The following LRRFIP2 variants were observed in gnomAD, a reference collection of about 807,000 sequenced individuals.
LRRFIP2 encodes leucine-rich repeat flightless-interacting protein 2.
A neutral mutation model predicts 125.9 loss-of-function variants in LRRFIP2; 109 were observed. That is an observed-to-expected ratio of 0.87 (90% CI 0.74 to 1.01). The LOEUF (loss-of-function observed/expected upper bound fraction) is 1.01. Ranked by LOEUF, LRRFIP2 falls within the 50% of genes least tolerant of loss-of-function variation. The pLI, the probability that LRRFIP2 is intolerant of heterozygous loss-of-function variation, is 0.00. For missense variants in LRRFIP2, 850 were observed against 862.3 expected (o/e 0.99, Z 0.18); for synonymous variants, 291 against 293.1 (o/e 0.99, Z 0.07).
At chr3:37,091,388 T>C in intron 18 of LRRFIP2, 79 bp downstream of exon 18, 2 of 1,127,016 alleles carry the variant, frequency 1.8e-6, no homozygotes, top group Non-Finnish European at 2.6e-6. Flanking sequence ...GTGCAGTTGG[T>C]TAACAGAACT....
chr3:37,060,457 T>G lies in LRRFIP2; in HGVS notation c.1750-1547A>C, dbSNP rs188549074. Among the ~76,000 whole-genome samples, 1 of 152,010 alleles carries G rather than the reference T, an allele frequency of 6.6e-6. No homozygotes were observed. The highest frequency in any genetic ancestry group is 1.5e-5 in the Non-Finnish European group (1 of 67,994). ...CCGAGTAGCTGGGATTCCAGGTGCA[T>G]GCCACCACGTCCAATTTTTGTATTT... On this transcript the variant is annotated intron_variant, in intron 24 of 27. Transcript: ENST00000336686. This position sits in a 1 kb window ranked among gnomAD's most constrained non-coding sequence, Gnocchi z 4.1.
intron 7 of LRRFIP2, among the ~76,000 whole-genome samples, chr3:37,113,909 G>A (rs527783283): frequency 6.6e-6 from 1 of 152,222 alleles, no homozygotes; most frequent in South Asian, 2.1e-4. Flanking sequence ...TACATATGGG[G>A]AAATTAAGGC....
intron 4 of LRRFIP2, among the ~76,000 whole-genome samples, chr3:37,124,809 G>A (rs1336185905): frequency 2.6e-5 from 4 of 152,132 alleles, no homozygotes; most frequent in Non-Finnish European, 5.9e-5. Context: ...TTCTCTGGAA[G>A]AACAAAAAGC....
Position 37,111,168 on chromosome 3 carries a change from C to T in LRRFIP2, c.439-103G>A, listed in dbSNP as rs539117405. The T allele has an allele frequency of 8.0e-5, 59 of 733,080 alleles. No homozygotes were observed. In the South Asian group the frequency reaches 1.0e-3, roughly 13 times the overall value. The allele number at this position is 733,080 out of a possible 1,614,324, so 45.4% of individuals were successfully genotyped here. A position where few individuals can be genotyped will look rare whatever the true frequency, so the allele number is the denominator to read the frequency against. ...CACAAAAAGGCAAAATATGATATTG[C>T]CAAATCCCTTCTTCTCCAAAATGTT... On this transcript the variant is annotated intron_variant, in intron 8 of 27. Transcript: ENST00000336686.
chr3:37,151,353 C>T (rs2150068782), intron 1 of LRRFIP2, among the ~76,000 whole-genome samples: 1 of 149,692 alleles, frequency 6.7e-6, no homozygotes, highest in East Asian at 2.0e-4. Flanking sequence ...AGCAAGACTC[C>T]ATCTCAAAAA....
Position 37,156,673 on chromosome 3 carries a change from C to CAAAAAA in LRRFIP2, c.-55-7641_-55-7636dup, listed in dbSNP as rs59647339. On this transcript the variant is annotated intron_variant, in intron 1 of 27. Transcript: ENST00000336686. ...TGGGCGACAGAGCGAGACTCAGTAT[C>CAAAAAA]AAAAAAAAAAAAAAAAAAAAAAAAA... Among the ~76,000 whole-genome samples the CAAAAAA allele has an allele frequency of 4.3e-3, 131 of 30,604 alleles. 13 individuals are homozygous for CAAAAAA. Among genetic ancestry groups the CAAAAAA allele is most frequent in the Non-Finnish European group, 4.6e-3 (95 of 20,524 alleles). The allele number at this position is 30,604 out of a possible 152,430, so 20.1% of individuals were successfully genotyped here.
chr3:37,146,452 T>A (rs1199794891), intron 2 of LRRFIP2, among the ~76,000 whole-genome samples: 1 of 152,084 alleles, frequency 6.6e-6, no homozygotes. Flanking sequence ...ATCCTGATGC[T>A]CTCCCTCACC....
At chr3:37,148,262 T>C (rs1370110572) in intron 2 of LRRFIP2, among the ~76,000 whole-genome samples, 1 of 152,142 alleles carries the variant, frequency 6.6e-6, no homozygotes, top group Non-Finnish European at 1.5e-5. Context: ...TTGGATATTG[T>C]GAAAATTGAT....
intron 2 of LRRFIP2, among the ~76,000 whole-genome samples, chr3:37,136,909 T>A (rs1298490564): frequency 2.1e-5 from 3 of 145,178 alleles, no homozygotes; most frequent in African/African-American, 7.6e-5. Flanking sequence ...TCTACCATGG[T>A]TTGACCACTT....
At chr3:37,169,266 G>T (rs1000716256) in intron 1 of LRRFIP2, among the ~76,000 whole-genome samples, 2 of 152,086 alleles carry the variant, frequency 1.3e-5, no homozygotes, top group African/African-American at 2.4e-5. Flanking sequence ...AAGGTCAACA[G>T]AGTAAATTTT....
chr3:37,151,052 A>G (rs930353068), intron 1 of LRRFIP2, among the ~76,000 whole-genome samples: 1 of 152,194 alleles, frequency 6.6e-6, no homozygotes, highest in African/African-American at 2.4e-5. Flanking sequence ...ATGATTATTA[A>G]GAACTCATTT....
At chr3:37,095,412 C>T (rs2093667980) in intron 16 of LRRFIP2, among the ~76,000 whole-genome samples, 1 of 152,170 alleles carries the variant, frequency 6.6e-6, no homozygotes, top group Admixed American at 6.5e-5. Flanking sequence ...TGAATGTAGA[C>T]TGTTCTTCCC....
chr3:37,146,319 T>G (rs906652266), intron 2 of LRRFIP2, among the ~76,000 whole-genome samples: 4 of 152,244 alleles, frequency 2.6e-5, no homozygotes, highest in African/African-American at 9.6e-5. Flanking sequence ...CACTGATTTT[T>G]AAGTTCTGGG....
intron 6 of LRRFIP2, among the ~76,000 whole-genome samples, chr3:37,118,544 C>T (rs912493577): frequency 2.0e-5 from 3 of 152,162 alleles, no homozygotes; most frequent in Non-Finnish European, 4.4e-5. Flanking sequence ...ATCTTCCCTC[C>T]CCCAATCCTA....
At chr3:37,137,367 G>A (rs1244666869) in intron 2 of LRRFIP2, among the ~76,000 whole-genome samples, 1 of 152,076 alleles carries the variant, frequency 6.6e-6, no homozygotes, top group Non-Finnish European at 1.5e-5. Flanking sequence ...CTGGAGCTGA[G>A]ATCTACATCC....
intron 15 of LRRFIP2, among the ~76,000 whole-genome samples, chr3:37,101,246 A>G (rs1006182126): frequency 6.6e-6 from 1 of 151,624 alleles, no homozygotes; most frequent in Non-Finnish European, 1.5e-5. Context: ...AATCCCAGCT[A>G]CTCGGGAGGC....
chr3:37,086,077 T>C (rs1383258893), intron 18 of LRRFIP2, among the ~76,000 whole-genome samples: 1 of 152,152 alleles, frequency 6.6e-6, no homozygotes, highest in Admixed American at 6.5e-5. Flanking sequence ...TGGATATTTC[T>C]CCAAAGAGGA....
chr3:37,117,412 G>C (rs1290911626), intron 6 of LRRFIP2, among the ~76,000 whole-genome samples: 1 of 151,888 alleles, frequency 6.6e-6, no homozygotes, highest in Non-Finnish European at 1.5e-5. Flanking sequence ...CATAATTTGG[G>C]CATACCAATT....
intron 19 of LRRFIP2, among the ~76,000 whole-genome samples, chr3:37,082,661 C>T (rs1337181713): frequency 6.6e-6 from 1 of 152,180 alleles, no homozygotes; most frequent in Non-Finnish European, 1.5e-5. Flanking sequence ...AATAGTATCA[C>T]TGCCCTAAAA....
Sources: gnomAD v4.1 joint callset for allele counts (sites outside exome capture counted in the v4.1 genomes callset) on GRCh38, gnomAD v4.1.1 for gene constraint, Gnocchi (gnomAD v3.1) non-coding constraint, MANE v1.5 for transcripts, NCBI Gene and HGNC (gene_info 2026-07-23, HGNC 2026-07-21) for gene names.